Variants in MTMR1 observed in about 807,000 individuals in gnomAD.
MTMR1 encodes the protein phosphatidylinositol-3-phosphate phosphatase MTMR1.
In MTMR1, 17 loss-of-function variants were observed where a neutral mutation model predicts 51.6. The observed-to-expected ratio is 0.33, with a 90% confidence interval of 0.23 to 0.49. MTMR1 has a LOEUF of 0.49. Among genes scored for constraint, MTMR1 ranks in the 20% least tolerant of loss-of-function variants. The probability of loss-of-function intolerance (pLI) is 0.99; values close to 1 mark genes in which losing one functional copy is unlikely to be tolerated. For synonymous variants in MTMR1, 201 were observed against 205.6 expected, an observed-to-expected ratio of 0.98 and a Z score of 0.19; for missense variants, 386 against 526.9, an observed-to-expected ratio of 0.73 and a Z score of 2.62.
upstream of MTMR1, chrX:150,693,304 GGCGCCGGCCCC>G (rs1253864308): frequency 2.1e-5 from 5 of 239,144 alleles, no homozygotes; most frequent in African/African-American, 1.2e-4. Context: ...GGGGGTTCCC[GGCGCCGGCCCC>G]GCGCGCCGCC....
upstream of MTMR1, chrX:150,693,393 G>A (rs1645766286): frequency 2.8e-6 from 2 of 724,414 alleles, no homozygotes; most frequent in African/African-American, 2.3e-5. Flanking sequence ...GGGGCCGCCA[G>A]GTGACAGCTA....
intron 13 of MTMR1, among the ~76,000 whole-genome samples, chrX:150,746,134 A>C: frequency 8.9e-6 from 1 of 112,287 alleles, no homozygotes. Context: ...GCACAGAGAC[A>C]TACCTCTAGA....
chrX:150,734,054 G>T (rs1454224422), intron 10 of MTMR1, among the ~76,000 whole-genome samples: 2 of 112,330 alleles, frequency 1.8e-5, no homozygotes, highest in Admixed American at 1.9e-4. Flanking sequence ...CCCTCTAAAG[G>T]TTCAAGGGGA....
chrX:150,721,241 A>C (rs1043805708), intron 4 of MTMR1, among the ~76,000 whole-genome samples: 15 of 111,969 alleles, frequency 1.3e-4, no homozygotes, highest in African/African-American at 4.9e-4. Context: ...CATTTATGAA[A>C]GATATTGGTC....
intron 2 of MTMR1, among the ~76,000 whole-genome samples, chrX:150,710,605 C>T (rs1278690483): frequency 3.6e-5 from 4 of 112,199 alleles, no homozygotes; most frequent in African/African-American, 1.3e-4. Context: ...AAGTGATCCA[C>T]TTGCCTCGGC....
chrX:150,742,834 A>AAAAAAAAAAAAAG (rs1557417357), intron 12 of MTMR1, among the ~76,000 whole-genome samples: 1 of 101,889 alleles, frequency 9.8e-6, no homozygotes, highest in African/African-American at 3.9e-5. Flanking sequence ...AAAAAAAAAA[A>AAAAAAAAAAAAAG]AAAGAAAGAA....
chrX:150,759,881 T>C (rs868929949), intron 15 of MTMR1, among the ~76,000 whole-genome samples: 5 of 109,362 alleles, frequency 4.6e-5, no homozygotes, highest in Middle Eastern at 4.6e-3. Context: ...AGAGAAGCAG[T>C]GACTTGGTTG....
chrX:150,762,590 A>C lies in MTMR1; in HGVS notation c.1883A>C (p.Glu628Ala), dbSNP rs1569565785. The change falls in exon 16 of 16, where the codon GAG becomes GCG. Residue 628 changes from glutamate to alanine, a missense_variant. By Grantham distance (107) the Glu-to-Ala change is moderately radical (BLOSUM62 -1). Transcript: ENST00000445323. ...PQMPIHQNLK[E>A]LLAVRAELQK... Reference sequence around the variant, plus strand: ...ATGCCCATTCACCAGAATCTCAAGGAGCTGCTGGCCGTCAGGGCGGAGCTG... The same window carrying C: ...ATGCCCATTCACCAGAATCTCAAGGCGCTGCTGGCCGTCAGGGCGGAGCTG... 1 of 1,211,967 alleles carries C rather than the reference A, an allele frequency of 8.3e-7. No individual in the cohort carries two copies. The highest frequency in any genetic ancestry group is 1.1e-6 in the Non-Finnish European group (1 of 895,539).
At chrX:150,761,828 G>C (rs1557418032) in intron 15 of MTMR1, among the ~76,000 whole-genome samples, 3 of 112,610 alleles carry the variant, frequency 2.7e-5, no homozygotes, top group African/African-American at 9.7e-5. Flanking sequence ...CGAGTGGGTT[G>C]GGTGCTATGA....
At chrX:150,760,565 A>G (rs781974111) in intron 15 of MTMR1, among the ~76,000 whole-genome samples, 10 of 111,621 alleles carry the variant, frequency 9.0e-5, no homozygotes, top group African/African-American at 3.3e-4. Flanking sequence ...CTCTAACACA[A>G]TCCTCTGTTT....
At chrX:150,705,818 G>T (rs953503223) in intron 2 of MTMR1, among the ~76,000 whole-genome samples, 7 of 112,058 alleles carry the variant, frequency 6.2e-5, no homozygotes, top group Middle Eastern at 4.6e-3. Context: ...AGTGAGTTTA[G>T]TGAGGTCACA....
At chrX:150,754,466 A>T (rs2042843482) in intron 14 of MTMR1, among the ~76,000 whole-genome samples, 1 of 112,723 alleles carries the variant, frequency 8.9e-6, no homozygotes. Context: ...TGACTTTGTC[A>T]TTGTGCTTGA....
chrX:150,720,896 C>T (rs2041723729), intron 4 of MTMR1, among the ~76,000 whole-genome samples: 1 of 111,294 alleles, frequency 9.0e-6, no homozygotes, highest in Non-Finnish European at 1.9e-5. Context: ...GGAAAGCTTT[C>T]AGTCTTTCAC....
Position 150,693,541 on chromosome X carries a change from CGGCGGCGGCGGCGGCGGCGGGCTGCGAG to C in MTMR1, c.20_47del (p.Ala7GlyfsTer47), listed in dbSNP as rs2040550302. The C allele has an allele frequency of 1.4e-6, 1 of 696,569 alleles. No homozygotes were observed. The highest frequency in any genetic ancestry group is 2.4e-5 in the African/African-American group (1 of 41,348). The allele number at this position is 696,569 out of a possible 1,213,427, so 57.4% of individuals were successfully genotyped here. A position where few individuals can be genotyped will look rare whatever the true frequency, so the allele number is the denominator to read the frequency against. ...AGGACTCGGCGCGCCATGGACAGGC[CGGCGGCGGCGGCGGCGGCGGGCTGCGAG>C]GGCGGCGGGGGCCCGAACCCGGGGC... On this transcript the variant is annotated frameshift_variant, in exon 1 of 16. Transcript: ENST00000445323. LOFTEE classifies it high-confidence loss of function.
chrX:150,751,034 G>T (rs1019119285), intron 14 of MTMR1, 191 bp downstream of exon 14: 6 of 1,159,251 alleles, frequency 5.2e-6, no homozygotes, highest in Non-Finnish European at 6.9e-6. Flanking sequence ...TTCTAGGCAT[G>T]GGGGGCTGGG....
chrX:150,760,012 CAG>C (rs782345399), intron 15 of MTMR1, among the ~76,000 whole-genome samples: 2 of 109,609 alleles, frequency 1.8e-5, no homozygotes, highest in African/African-American at 3.2e-5. Flanking sequence ...GGGGACCTCA[CAG>C]GGGGTTGCTG....
chrX:150,732,255 G>A (rs1395724784), intron 9 of MTMR1, among the ~76,000 whole-genome samples: 2 of 111,736 alleles, frequency 1.8e-5, no homozygotes, highest in African/African-American at 6.5e-5. Context: ...TTGGAATGGG[G>A]CTAGATTTTA....
intron 4 of MTMR1, among the ~76,000 whole-genome samples, chrX:150,722,376 G>A (rs782774063): frequency 8.9e-6 from 1 of 111,777 alleles, no homozygotes; most frequent in Non-Finnish European, 1.9e-5. Flanking sequence ...AGTTCTATTA[G>A]TTTTGCTTTA....
At chrX:150,741,724 G>T (rs1557417320) in intron 12 of MTMR1, among the ~76,000 whole-genome samples, 1 of 112,738 alleles carries the variant, frequency 8.9e-6, no homozygotes, top group Admixed American at 9.3e-5. Flanking sequence ...CAGGCATGAT[G>T]CCTTGCACAC....
Sources: gnomAD v4.1 joint callset for allele counts (sites outside exome capture counted in the v4.1 genomes callset) on GRCh38, gnomAD v4.1.1 for gene constraint, MANE v1.5 for transcripts, NCBI Gene and HGNC (gene_info 2026-07-23, HGNC 2026-07-21) for gene names.